Variants in ZBBX observed in about 807,000 individuals in gnomAD.
ZBBX encodes the protein zinc finger B-box domain containing.
Under a neutral mutation model 108.5 loss-of-function variants are expected in ZBBX, and 101 were observed. That is an observed-to-expected ratio of 0.93 (90% CI 0.79 to 1.10). The LOEUF (loss-of-function observed/expected upper bound fraction) is 1.10. Ranked by LOEUF, ZBBX falls within the 50% of genes least tolerant of loss-of-function variation. ZBBX has a pLI of 0.00. For missense variants in ZBBX, 1,009 were observed against 941.4 expected (o/e 1.07, Z -0.94); for synonymous variants, 356 against 323.4 (o/e 1.10, Z -1.08).
chr3:167,403,349 A>T (rs1457743770), intron 1 of ZBBX, among the ~76,000 whole-genome samples: 2 of 152,162 alleles, frequency 1.3e-5, no homozygotes, highest in African/African-American at 4.8e-5. Flanking sequence ...GGTAAAATAC[A>T]TACTTTTTCA....
intron 18 of ZBBX, among the ~76,000 whole-genome samples, chr3:167,289,694 A>T (rs2108561698): frequency 6.6e-6 from 1 of 152,316 alleles, no homozygotes; most frequent in Admixed American, 6.5e-5. Context: ...ACACCGAGCT[A>T]GCCACAGGAG....
intron 1 of ZBBX, among the ~76,000 whole-genome samples, chr3:167,397,142 T>TAAAAAAAAAGAAAAAAAAAAAAAAA (rs1748262025): frequency 1.4e-5 from 1 of 72,428 alleles, no homozygotes; most frequent in African/African-American, 5.3e-5. Context: ...TTCTTGGTGG[T>TAAAAAAAAAGAAAAAAAAAAAAAAA]AAAAAAAAAA....
chr3:167,367,178 G>A (rs1481122241), intron 5 of ZBBX, among the ~76,000 whole-genome samples: 3 of 151,762 alleles, frequency 2.0e-5, no homozygotes, highest in African/African-American at 7.2e-5. Context: ...CCAGCAAACG[G>A]ACATGAAACA....
chr3:167,226,924 CAT>C, the ZBBX span, among the ~76,000 whole-genome samples: 1 of 151,782 alleles, frequency 6.6e-6, no homozygotes, highest in East Asian at 2.0e-4. Flanking sequence ...GAAGAGATTT[CAT>C]CAGCCTGTAT....
upstream of ZBBX, among the ~76,000 whole-genome samples, chr3:167,382,382 G>A (rs570881755): frequency 6.9e-4 from 105 of 152,264 alleles, no homozygotes; most frequent in African/African-American, 2.2e-3. Context: ...AGTAAAATGC[G>A]TTTAACTGGC....
chr3:167,183,334 G>A, the ZBBX span, among the ~76,000 whole-genome samples: 189 of 152,244 alleles, frequency 1.2e-3, 1 homozygote, highest in African/African-American at 4.4e-3. Flanking sequence ...AAGAGTACTC[G>A]GGTGTCCTCC....
chr3:167,397,308 T>C (rs1007176651), intron 1 of ZBBX, among the ~76,000 whole-genome samples: 49 of 151,822 alleles, frequency 3.2e-4, no homozygotes, highest in East Asian at 1.4e-3. Flanking sequence ...CCACCCTGAG[T>C]TTGTCAATGT....
chr3:167,273,842 G>A (rs1177654022), intron 20 of ZBBX, among the ~76,000 whole-genome samples: 1 of 152,172 alleles, frequency 6.6e-6, no homozygotes, highest in East Asian at 1.9e-4. Context: ...AGTCCCACAG[G>A]GGGTACCTGA....
chr3:167,389,004 A>G (rs1748006238), intron 1 of ZBBX, among the ~76,000 whole-genome samples: 1 of 151,956 alleles, frequency 6.6e-6, no homozygotes, highest in Non-Finnish European at 1.5e-5. Context: ...ATACATGTGC[A>G]GAACATGCAG....
intron 19 of ZBBX, among the ~76,000 whole-genome samples, chr3:167,284,154 C>T (rs987723232): frequency 4.0e-5 from 6 of 148,512 alleles, no homozygotes; most frequent in Non-Finnish European, 7.4e-5. Flanking sequence ...AAATAATGGG[C>T]TAAAATATGC....
chr3:167,284,866 T>C (rs904510845), intron 19 of ZBBX, among the ~76,000 whole-genome samples: 1 of 152,108 alleles, frequency 6.6e-6, no homozygotes, highest in African/African-American at 2.4e-5. Context: ...ATGTTTAATA[T>C]ATAAGGGTAC....
At chr3:167,311,956 C>T (rs1325923299) in intron 16 of ZBBX, among the ~76,000 whole-genome samples, 1 of 152,154 alleles carries the variant, frequency 6.6e-6, no homozygotes, top group Non-Finnish European at 1.5e-5. Context: ...AAGTTGAAAA[C>T]TTAAGTCCCA....
intron 16 of ZBBX, among the ~76,000 whole-genome samples, chr3:167,310,106 T>G (rs1489278001): frequency 6.6e-6 from 1 of 152,154 alleles, no homozygotes; most frequent in African/African-American, 2.4e-5. Context: ...GATGTCTAGT[T>G]TGAGGAGGGG....
chr3:167,293,000 G>A (rs901929865), intron 18 of ZBBX, among the ~76,000 whole-genome samples: 1 of 152,194 alleles, frequency 6.6e-6, no homozygotes. Flanking sequence ...ATTAAACCAG[G>A]AAGAAGTTGA....
At chr3:167,257,991 ACT>A (rs1723820998) in intron 20 of ZBBX, among the ~76,000 whole-genome samples, 1 of 149,610 alleles carries the variant, frequency 6.7e-6, no homozygotes, top group Admixed American at 6.6e-5. Context: ...CTGAGCAAAA[ACT>A]CTTTAGTTTA....
At chr3:167,397,290 G>A in intron 1 of ZBBX, among the ~76,000 whole-genome samples, 1 of 151,380 alleles carries the variant, frequency 6.6e-6, no homozygotes, top group East Asian at 1.9e-4. Context: ...TTGTTTGAAT[G>A]AAGAACCCCA....
At chr3:167,203,415 T>C in the ZBBX span, among the ~76,000 whole-genome samples, 1 of 152,120 alleles carries the variant, frequency 6.6e-6, no homozygotes, top group African/African-American at 2.4e-5. Context: ...CATATGAATT[T>C]TGAGGGGACA....
At position 167,242,610 on chromosome 3, in the gene ZBBX, T is replaced by C. The variant is rs1720877361; in HGVS notation, c.2288A>G (p.Glu763Gly). ...TSEKLYSLTS[E>G]EFPDFSSQSL... is the part of the protein sequence containing the mutation. ...TTGGCTGCTGAAATCTGGGAACTCT[T>C]CTGAGGTTAAGCTGTAAAGCTTTTC... The change falls in exon 21 of 22, where the codon GAA becomes GGA. Residue 763 changes from glutamate (E) to glycine (G), a missense_variant. Glu to Gly is a moderately conservative substitution (Grantham distance 98). Transcript: ENST00000675490. 6.2e-7 allele frequency: 1 copy of C among 1,613,330 alleles called. No homozygotes were observed. Among genetic ancestry groups the C allele is most frequent in the Non-Finnish European group, 8.5e-7 (1 of 1,179,768 alleles).
intron 10 of ZBBX, among the ~76,000 whole-genome samples, chr3:167,330,945 T>TTCTC (rs151154237): frequency 1.6e-4 from 14 of 87,214 alleles, no homozygotes; most frequent in African/African-American, 5.6e-4. Flanking sequence ...CTCTCTTTCT[T>TTCTC]TCTCTCTCTC....
Sources: gnomAD v4.1 joint callset for allele counts (sites outside exome capture counted in the v4.1 genomes callset) on GRCh38, gnomAD v4.1.1 for gene constraint, MANE v1.5 for transcripts, NCBI Gene and HGNC (gene_info 2026-07-23, HGNC 2026-07-21) for gene names.